Variants in GRIK4 observed in about 807,000 individuals in gnomAD.
The protein encoded by GRIK4 is glutamate receptor ionotropic, kainate 4.
A neutral mutation model predicts 104.9 loss-of-function variants in GRIK4; 40 were observed. The observed-to-expected ratio is 0.38, with a 90% CI of 0.30 to 0.50. The LOEUF is 0.50. Ranked by LOEUF, GRIK4 falls within the 20% of genes least tolerant of loss-of-function variation. The probability of loss-of-function intolerance (pLI) is 0.93; values close to 1 mark genes in which losing one functional copy is unlikely to be tolerated. For missense variants in GRIK4, 1,047 were observed against 1,308.1 expected (o/e 0.80, Z 3.08); for synonymous variants, 485 against 524.9 (o/e 0.92, Z 1.04).
At chr11:120,562,326 G>T (rs1369520710) in intron 1 of GRIK4, among the ~76,000 whole-genome samples, 1 of 152,226 alleles carries the variant, frequency 6.6e-6, no homozygotes, top group East Asian at 1.9e-4. Context: ...ATAATGACGT[G>T]TGAAAAAGTC....
intron 8 of GRIK4, among the ~76,000 whole-genome samples, chr11:120,850,143 C>A (rs769223520): frequency 1.2e-4 from 18 of 152,180 alleles, no homozygotes; most frequent in Non-Finnish European, 2.1e-4. Flanking sequence ...TAGTTCATAT[C>A]TCCTTGGCTT....
At chr11:120,810,505 T>G (rs1381789357) in intron 4 of GRIK4, among the ~76,000 whole-genome samples, 1 of 152,134 alleles carries the variant, frequency 6.6e-6, no homozygotes, top group Non-Finnish European at 1.5e-5. Flanking sequence ...AGCTGGATGC[T>G]GAAGTATGAG....
chr11:120,528,390 C>T (rs1287053489), intron 1 of GRIK4, among the ~76,000 whole-genome samples: 2 of 152,200 alleles, frequency 1.3e-5, no homozygotes, highest in Admixed American at 6.5e-5. Context: ...GGATTACAGG[C>T]ATGAGCCACC....
intron 3 of GRIK4, among the ~76,000 whole-genome samples, chr11:120,671,093 A>G (rs1429478440): frequency 6.6e-6 from 1 of 152,134 alleles, no homozygotes; most frequent in Non-Finnish European, 1.5e-5. Context: ...TTCTTTATCC[A>G]GTCTATCACT....
intron 1 of GRIK4, among the ~76,000 whole-genome samples, chr11:120,612,499 CA>C (rs11333522): frequency 0.38 from 55,773 of 147,242 alleles, 10,266 homozygotes; most frequent in African/African-American, 0.4. Context: ...ACTTTTGAGG[CA>C]AAAAAAAAAA....
intron 8 of GRIK4, among the ~76,000 whole-genome samples, chr11:120,853,621 T>G (rs1954027561): frequency 2.0e-5 from 3 of 152,324 alleles, no homozygotes; most frequent in Admixed American, 2.0e-4. Flanking sequence ...AATTCTAGCT[T>G]GATTGACAGG....
chr11:120,537,155 C>T (rs116499139), intron 1 of GRIK4, among the ~76,000 whole-genome samples: 1,538 of 152,274 alleles, frequency 0.01, 29 homozygotes, highest in African/African-American at 0.034. Context: ...TCAAAGACTC[C>T]GAGGGCCACA....
intron 16 of GRIK4, 80 bp downstream of exon 16, chr11:120,957,033 T>G: frequency 8.2e-7 from 1 of 1,214,630 alleles, no homozygotes; most frequent in Non-Finnish European, 1.1e-6. Context: ...GGCTCTAGCT[T>G]CTAGAGCCCC....
chr11:120,742,271 G>C (rs1314175453), intron 3 of GRIK4, among the ~76,000 whole-genome samples: 1 of 151,760 alleles, frequency 6.6e-6, no homozygotes. Flanking sequence ...GCTTGAACCT[G>C]GGAGGTGGAG....
In GRIK4 at chr11:120,940,677, G is replaced by T. The variant is rs1060745; in HGVS notation, c.1590+217G>T. On this transcript the variant is annotated intron_variant, in intron 14 of 20. Transcript: ENST00000527524. This position sits in a 1 kb window ranked among gnomAD's most constrained non-coding sequence, Gnocchi z 4.3. ...GGGCTTTCCAGTAAAAATTACTTCT[G>T]CCTCTCTGAATAGCGATGACCAAGA... is the stretch of plus-strand genomic sequence containing the variant. Among the ~76,000 whole-genome samples the T allele has an allele frequency of 0.041, 6,191 of 152,232 alleles. 173 individuals are homozygous for T. Among genetic ancestry groups the T allele is most frequent in the South Asian group, 0.077 (372 of 4,824 alleles).
At chr11:120,925,732 G>T (rs890672876) in intron 13 of GRIK4, among the ~76,000 whole-genome samples, 2 of 152,280 alleles carry the variant, frequency 1.3e-5, no homozygotes, top group African/African-American at 4.8e-5. Flanking sequence ...AGTACTTTGG[G>T]AGACTGAGGC....
rs549847504 is a variant in GRIK4, at chr11:120,767,782, A to C, written c.83-34911A>C. The stretch of plus-strand genomic sequence containing the variant: ...TTTGCATGTGGAAATCCAGTTTTTC[A>C]GCACCATTTATTAAAGAGACTATCA... On this transcript the variant is annotated intron_variant, in intron 3 of 20. Coordinates refer to ENST00000527524, the MANE Select transcript of GRIK4 (RefSeq NM_014619.5). Among the ~76,000 whole-genome samples the C allele has an allele frequency of 2.0e-5, 3 of 152,276 alleles. No homozygotes were observed. In the South Asian group the frequency reaches 6.2e-4, roughly 32 times the overall value.
chr11:120,617,132 A>G (rs2135157597), intron 1 of GRIK4, among the ~76,000 whole-genome samples: 1 of 152,306 alleles, frequency 6.6e-6, no homozygotes, highest in Non-Finnish European at 1.5e-5. Context: ...GCAAGAGCGT[A>G]AAACCTTCAG....
intron 1 of GRIK4, among the ~76,000 whole-genome samples, chr11:120,540,265 C>G (rs1225721774): frequency 6.6e-6 from 1 of 152,298 alleles, no homozygotes; most frequent in East Asian, 1.9e-4. Context: ...TCTGACAGGT[C>G]TGGCAAAGGG....
chr11:120,713,023 T>C (rs1459449037), intron 3 of GRIK4, among the ~76,000 whole-genome samples: 1 of 152,196 alleles, frequency 6.6e-6, no homozygotes, highest in Non-Finnish European at 1.5e-5. Flanking sequence ...AGAGAGGCAG[T>C]GCCCAACTTT....
intron 18 of GRIK4, among the ~76,000 whole-genome samples, chr11:120,966,654 G>A (rs1944388968): frequency 6.6e-6 from 1 of 152,208 alleles, no homozygotes; most frequent in Non-Finnish European, 1.5e-5. Context: ...TTACAGGCGT[G>A]AGCCACCGTG....
chr11:120,553,246 A>G (rs1464070065), intron 1 of GRIK4, among the ~76,000 whole-genome samples: 3 of 152,178 alleles, frequency 2.0e-5, no homozygotes, highest in African/African-American at 7.2e-5. Context: ...TCTGAGAGTC[A>G]GTGTTGGAGG....
At chr11:120,892,141 G>T (rs780378768) in intron 11 of GRIK4, among the ~76,000 whole-genome samples, 1 of 152,178 alleles carries the variant, frequency 6.6e-6, no homozygotes, top group African/African-American at 2.4e-5. Context: ...ACAGGGAATG[G>T]CATGTGCAAA....
intron 9 of GRIK4, chr11:120,870,247 A>T (rs1247472157): frequency 6.6e-6 from 1 of 152,200 alleles, no homozygotes; most frequent in African/African-American, 2.4e-5. Context: ...AGCTCCTTAC[A>T]GTTTGGGACA....
Sources: gnomAD v4.1 joint callset for allele counts (sites outside exome capture counted in the v4.1 genomes callset) on GRCh38, gnomAD v4.1.1 for gene constraint, Gnocchi (gnomAD v3.1) non-coding constraint, MANE v1.5 for transcripts, NCBI Gene and HGNC (gene_info 2026-07-23, HGNC 2026-07-21) for gene names.